DEPDC1B: variants seen among roughly 807,000 people sequenced by gnomAD.
The protein encoded by DEPDC1B is DEP domain containing 1B, also known as DEP domain-containing protein 1B.
In DEPDC1B, 51 loss-of-function variants were observed where a neutral mutation model predicts 66.5. The observed-to-expected ratio is 0.77, with a 90% CI of 0.61 to 0.97. The LOEUF (loss-of-function observed/expected upper bound fraction) is 0.97. DEPDC1B is among the 50% of genes least tolerant of loss of function. The pLI is 0.00. For missense variants in DEPDC1B, 552 were observed against 637.1 expected, an observed-to-expected ratio of 0.87 and a Z score of 1.44; for synonymous variants, 226 against 223.6, an observed-to-expected ratio of 1.01 and a Z score of -0.10.
chr5:60,677,446 T>C (rs1329431693), intron 2 of DEPDC1B, among the ~76,000 whole-genome samples: 1 of 152,030 alleles, frequency 6.6e-6, no homozygotes, highest in East Asian at 1.9e-4. Flanking sequence ...TTGGAAAACA[T>C]GTGATAGGTA....
rs776131638 is a variant in DEPDC1B at position 60,642,846 on chromosome 5, A to G, written c.723T>C (p.His241=). Residue 241 remains histidine, a synonymous_variant, in exon 6 of 11, where the codon CAT becomes CAC. Coordinates refer to ENST00000265036, the MANE Select transcript of DEPDC1B (RefSeq NM_018369.3). ...ILDDKSKELP[H]WVLSAMKCLA... The stretch of plus-strand genomic sequence containing the variant: ...AACACTTCATAGCTGACAGCACCCA[A>G]TGAGGAAGTTCTTCTGAAGGAAAAA... The G allele has an allele frequency of 6.2e-7, 1 of 1,611,410 alleles. No individual in the cohort carries two copies. Among genetic ancestry groups the G allele is most frequent in the Admixed American group, 1.7e-5 (1 of 59,612 alleles).
At chr5:60,683,235 G>A (rs1754337915) in intron 2 of DEPDC1B, among the ~76,000 whole-genome samples, 1 of 152,130 alleles carries the variant, frequency 6.6e-6, no homozygotes, top group Non-Finnish European at 1.5e-5. Flanking sequence ...TTCAAGACCA[G>A]CCTGGGGAAC....
intron 2 of DEPDC1B, among the ~76,000 whole-genome samples, chr5:60,651,057 C>T (rs114567370): frequency 6.6e-6 from 1 of 152,232 alleles, no homozygotes; most frequent in South Asian, 2.1e-4. Flanking sequence ...ACCTAAGCAA[C>T]AGGAAGAGGC....
intron 2 of DEPDC1B, among the ~76,000 whole-genome samples, chr5:60,650,071 C>G (rs1753409392): frequency 6.6e-6 from 1 of 151,852 alleles, no homozygotes; most frequent in African/African-American, 2.4e-5. Context: ...TTATTCCAAA[C>G]CAGGCACGGT....
intron 2 of DEPDC1B, among the ~76,000 whole-genome samples, chr5:60,662,081 C>T (rs1480221641): frequency 6.6e-6 from 1 of 151,918 alleles, no homozygotes; most frequent in Non-Finnish European, 1.5e-5. Context: ...ACTCAGTCAG[C>T]TGCAGACATT....
At position 60,638,856 on chromosome 5, in the gene DEPDC1B, G is replaced by A. The variant is rs1365786435; in HGVS notation, c.792C>T (p.Tyr264=). Residue 264 remains tyrosine (Y), a synonymous_variant, in exon 7 of 11, where the codon TAC becomes TAT. Coordinates refer to ENST00000265036, the MANE Select transcript of DEPDC1B (RefSeq NM_018369.3). ...PNCSDLKQPM[Y]LGFEKDVFKT... Reference sequence around the variant, plus strand: ...TAAAGACATCTTTTTCAAATCCCAAGTACATAGGCTGCTTCAAATCAGAAC... The same window carrying A: ...TAAAGACATCTTTTTCAAATCCCAAATACATAGGCTGCTTCAAATCAGAAC... The A allele has an allele frequency of 6.2e-7, 1 of 1,612,638 alleles. No individual in the cohort carries two copies. The highest frequency in any genetic ancestry group is 1.3e-5 in the African/African-American group (1 of 74,842).
chr5:60,667,423 T>C (rs1753868606), intron 2 of DEPDC1B, among the ~76,000 whole-genome samples: 4 of 147,278 alleles, frequency 2.7e-5, no homozygotes, highest in Admixed American at 2.7e-4. Flanking sequence ...AAAATGGATA[T>C]TTTACATATA....
intron 2 of DEPDC1B, among the ~76,000 whole-genome samples, chr5:60,648,863 G>T (rs929687406): frequency 3.3e-5 from 5 of 152,032 alleles, no homozygotes; most frequent in African/African-American, 1.2e-4. Flanking sequence ...ATAAATAAAG[G>T]GTGGCTTATA....
In DEPDC1B at chr5:60,599,064, T is replaced by C. The variant is rs540839028; in HGVS notation, c.1428+11A>G. 5.8e-6 allele frequency: 9 copies of C among 1,561,698 alleles called. No homozygotes were observed. In the African/African-American group the frequency reaches 1.1e-4, roughly 19 times the overall value. The stretch of plus-strand genomic sequence containing the variant: ...AGGAGAAAAAATGGCTTATAAAGAA[T>C]ATCCTTTTACCTGCTTCAGTTTCTT... On this transcript the variant is annotated intron_variant, in intron 10 of 10. Transcript: ENST00000265036.
At chr5:60,625,670 T>G (rs1201301254) in intron 7 of DEPDC1B, among the ~76,000 whole-genome samples, 1 of 152,148 alleles carries the variant, frequency 6.6e-6, no homozygotes, top group Non-Finnish European at 1.5e-5. Context: ...ACAGCAGTCA[T>G]AGGGGACAAA....
chr5:60,677,326 A>ACACACACACTCT (rs770640655), intron 2 of DEPDC1B, among the ~76,000 whole-genome samples: 4 of 108,562 alleles, frequency 3.7e-5, no homozygotes, highest in Non-Finnish European at 5.5e-5. Flanking sequence ...ACACACACAC[A>ACACACACACTCT]CTCTCTCTCT....
chr5:60,637,628 C>T lies in DEPDC1B; in HGVS notation c.898+1122G>A, dbSNP rs1373966759. On this transcript the variant is annotated intron_variant, in intron 7 of 10. Transcript: ENST00000265036. ...AGCAACAGCAAATATTCATCATTAG[C>T]CATGATGCTCACAAGTCCATGGGCC... Among the ~76,000 whole-genome samples the T allele has an allele frequency of 2.6e-5, 4 of 152,164 alleles. No homozygotes were observed. In the East Asian group the frequency reaches 7.7e-4, roughly 29 times the overall value.
chr5:60,643,058 A>G (rs1420478853), intron 5 of DEPDC1B, among the ~76,000 whole-genome samples, 199 bp from the exon 6 acceptor site: 1 of 152,202 alleles, frequency 6.6e-6, no homozygotes. Context: ...CACTTACATA[A>G]ATAATGCCTA....
At chr5:60,667,732 TAA>T (rs550060943) in intron 2 of DEPDC1B, among the ~76,000 whole-genome samples, 129 of 133,430 alleles carry the variant, frequency 9.7e-4, no homozygotes, top group South Asian at 2.0e-3. Flanking sequence ...TACATATATA[TAA>T]AAAATGGATA....
At chr5:60,602,462 T>C (rs367689619) in intron 9 of DEPDC1B, among the ~76,000 whole-genome samples, 25 of 152,310 alleles carry the variant, frequency 1.6e-4, no homozygotes, top group African/African-American at 5.8e-4. Context: ...GGCAGTTCAC[T>C]GGTCCTTGAT....
intron 1 of DEPDC1B, among the ~76,000 whole-genome samples, chr5:60,692,183 G>T (rs1343762702): frequency 6.6e-6 from 1 of 152,128 alleles, no homozygotes; most frequent in Non-Finnish European, 1.5e-5. Context: ...GAGGCTGAGG[G>T]GAGTGGGGAA....
chr5:60,610,922 T>G (rs1047039019), intron 7 of DEPDC1B, among the ~76,000 whole-genome samples: 1 of 152,258 alleles, frequency 6.6e-6, no homozygotes, highest in African/African-American at 2.4e-5. Context: ...CATTTGATAG[T>G]TGGCTCCTTG....
At chr5:60,690,404 A>T (rs930396458) in intron 1 of DEPDC1B, among the ~76,000 whole-genome samples, 1 of 152,270 alleles carries the variant, frequency 6.6e-6, no homozygotes, top group African/African-American at 2.4e-5. Context: ...TGGTATATGC[A>T]TATGAAAAGC....
Position 60,599,259 on chromosome 5 carries a change from A to G in DEPDC1B, c.1244T>C (p.Ile415Thr), listed in dbSNP as rs759584282. 6.3e-7 allele frequency: 1 copy of G among 1,591,720 alleles called. No individual in the cohort carries two copies. Among genetic ancestry groups the G allele is most frequent in the Admixed American group, 1.9e-5 (1 of 53,842 alleles). The change falls in exon 10 of 11, where the codon ATA (isoleucine) becomes ACA (threonine). Residue 415 changes from isoleucine (I) to threonine (T), a missense_variant and splice_region_variant. Ile to Thr is a moderately conservative substitution (Grantham distance 89). Transcript: ENST00000265036. ...ERVAHLRRVQ[I>T]KYPGADMDIT... ...ATCCATATCAGCTCCTGGGTATTTT[A>G]TCTGAGGCAAAAGGATTAGTAGTGA...
Sources: allele counts gnomAD v4.1 joint callset (sites outside exome capture counted in the v4.1 genomes callset), GRCh38; gene constraint gnomAD v4.1.1; transcripts MANE v1.5; gene names NCBI Gene and HGNC (gene_info 2026-07-23, HGNC 2026-07-21).